The following PLS1 variants were observed in gnomAD, a reference collection of about 807,000 sequenced individuals.
PLS1 encodes plastin 1, also known as plastin-1.
A neutral mutation model predicts 73.7 loss-of-function variants in PLS1; 32 were observed. The ratio of observed to expected loss-of-function variants is 0.43; its 90% confidence interval spans 0.33 to 0.58. PLS1 has a LOEUF of 0.58. Ranked by LOEUF, PLS1 falls within the 20% of genes least tolerant of loss-of-function variation. PLS1 has a pLI of 0.04. For missense variants in PLS1, 633 were observed against 740.5 expected (o/e 0.85, Z 1.68); for synonymous variants, 217 against 261.3 (o/e 0.83, Z 1.63).
intron 12 of PLS1, among the ~76,000 whole-genome samples, chr3:142,701,946 T>A (rs1462226697): frequency 6.6e-6 from 1 of 152,258 alleles, no homozygotes; most frequent in Non-Finnish European, 1.5e-5. Context: ...TATTCTATTT[T>A]TTAAAGTCTA....
chr3:142,647,195 A>AT (rs1284666833), intron 1 of PLS1, among the ~76,000 whole-genome samples: 1 of 152,342 alleles, frequency 6.6e-6, no homozygotes, highest in East Asian at 1.9e-4. Flanking sequence ...GAGAAGTGAC[A>AT]TTTTTTGAAT....
intron 14 of PLS1, among the ~76,000 whole-genome samples, chr3:142,709,437 T>C (rs1933007827): frequency 6.6e-6 from 1 of 152,170 alleles, no homozygotes; most frequent in African/African-American, 2.4e-5. Context: ...ACATTACCCC[T>C]GGCCAAAGAT....
At position 142,671,103 on chromosome 3, in the gene PLS1, C is replaced by T. The variant is rs546983521; in HGVS notation, c.345C>T (p.Gly115=). 20 of 1,610,756 alleles carry T rather than the reference C, an allele frequency of 1.2e-5. No homozygotes were observed. In the East Asian group the frequency reaches 3.8e-4, roughly 31 times the overall value. Residue 115 remains glycine (G), a synonymous_variant, in exon 4 of 16, where the codon GGC becomes GGT. Coordinates refer to ENST00000457734, the MANE Select transcript of PLS1 (RefSeq NM_001145319.2). ...IGGTSTISSE[G]TQHSYSEEEK... ...GAACTTCAACTATTTCCAGTGAGGG[C>T]ACACAGCATTCTTATTCAGGTAACT...
intron 8 of PLS1, 113 bp downstream of exon 8, chr3:142,684,508 A>C: frequency 1.2e-6 from 1 of 855,070 alleles, no homozygotes; most frequent in Non-Finnish European, 1.8e-6. Context: ...TGGGATAGAA[A>C]ATGAAAATTT....
chr3:142,704,456 G>A lies in PLS1; in HGVS notation c.1506-7G>A. 6.3e-7 allele frequency: 1 copy of A among 1,596,172 alleles called. No homozygotes were observed. The highest frequency in any genetic ancestry group is 8.5e-7 in the Non-Finnish European group (1 of 1,170,974). ...TCAGTCTCAAATATACATCTTTTCT[G>A]TTGCAGGTACACATTGAATGTGTTA... On this transcript the variant is annotated splice_polypyrimidine_tract_variant and splice_region_variant and intron_variant, in intron 13 of 15. Coordinates refer to ENST00000457734, the MANE Select transcript of PLS1 (RefSeq NM_001145319.2).
At chr3:142,699,814 C>T (rs2038288953) in intron 12 of PLS1, among the ~76,000 whole-genome samples, 2 of 152,192 alleles carry the variant, frequency 1.3e-5, no homozygotes, top group South Asian at 4.2e-4. Context: ...GGAAATACAT[C>T]ATAATATTAA....
chr3:142,655,722 CAAAAAAAA>C (rs869165571), intron 1 of PLS1, among the ~76,000 whole-genome samples: 2 of 65,344 alleles, frequency 3.1e-5, no homozygotes, highest in African/African-American at 3.8e-5. Context: ...AATTCCGTCT[CAAAAAAAA>C]AAAAAAAAAA....
intron 1 of PLS1, among the ~76,000 whole-genome samples, chr3:142,619,162 T>A (rs1280520330): frequency 6.6e-6 from 1 of 152,174 alleles, no homozygotes; most frequent in East Asian, 1.9e-4. Flanking sequence ...GTTTCAGGGC[T>A]TTTGTGTAGT....
chr3:142,706,923 C>T (rs1348277840), intron 14 of PLS1, among the ~76,000 whole-genome samples: 1 of 151,930 alleles, frequency 6.6e-6, no homozygotes, highest in Non-Finnish European at 1.5e-5. Context: ...CAGTTTTAAG[C>T]TTGAATTTGA....
Position 142,704,635 on chromosome 3 carries a change from A to ATTT in PLS1, c.1629+77_1629+79dup, listed in dbSNP as rs10631186. Reference sequence around the variant, plus strand: ...TTTTTTTTTGTAGGTATAGGAAGGAATTTTTTTTTTTTTTTTTTTTTTTTT... The same window carrying ATTT: ...TTTTTTTTTGTAGGTATAGGAAGGAATTTTTTTTTTTTTTTTTTTTTTTTTTTT... On this transcript the variant is annotated intron_variant, in intron 14 of 15. Transcript: ENST00000457734. 1,331 of 261,210 alleles carry ATTT rather than the reference A, an allele frequency of 5.1e-3. 13 individuals are homozygous for ATTT. The highest frequency in any genetic ancestry group is 8.2e-3 in the South Asian group (202 of 24,536). The allele number at this position is 261,210 out of a possible 1,614,324, so 16.2% of individuals were successfully genotyped here.
At chr3:142,692,946 G>A (rs1242537197) in intron 10 of PLS1, among the ~76,000 whole-genome samples, 1 of 151,874 alleles carries the variant, frequency 6.6e-6, no homozygotes, top group Non-Finnish European at 1.5e-5. Flanking sequence ...GTCACTTTGG[G>A]GATAGTTCAT....
At chr3:142,655,565 A>AT (rs2037209139) in intron 1 of PLS1, among the ~76,000 whole-genome samples, 1 of 151,938 alleles carries the variant, frequency 6.6e-6, no homozygotes, top group Admixed American at 6.6e-5. Context: ...TACTAAAAAT[A>AT]CAAAAAATTA....
intron 14 of PLS1, among the ~76,000 whole-genome samples, chr3:142,705,864 C>T (rs899118640): frequency 1.3e-5 from 2 of 152,166 alleles, no homozygotes; most frequent in African/African-American, 4.8e-5. Context: ...TTCCACCCCC[C>T]CTTTTCTATC....
chr3:142,696,178 C>T (rs547426663), intron 11 of PLS1, among the ~76,000 whole-genome samples: 7 of 152,180 alleles, frequency 4.6e-5, no homozygotes, highest in African/African-American at 1.7e-4. Flanking sequence ...AAAGAGTAAG[C>T]TTAAAAATAG....
intron 1 of PLS1, among the ~76,000 whole-genome samples, chr3:142,662,443 CATTAGGAGAAAT>C (rs1174034837): frequency 1.3e-5 from 2 of 152,074 alleles, no homozygotes; most frequent in African/African-American, 4.8e-5. Context: ...GGAGGGATAG[CATTAGGAGAAAT>C]ACCTAATGTA....
At chr3:142,616,173 A>G (rs1305270501) in intron 1 of PLS1, among the ~76,000 whole-genome samples, 2 of 152,212 alleles carry the variant, frequency 1.3e-5, no homozygotes, top group African/African-American at 2.4e-5. Context: ...TCATGGAAAC[A>G]TAAAGATAAA....
chr3:142,659,186 A>G (rs1006000580), intron 1 of PLS1, among the ~76,000 whole-genome samples: 7 of 152,180 alleles, frequency 4.6e-5, no homozygotes, highest in Non-Finnish European at 8.8e-5. Context: ...TAAAGGAAAA[A>G]GGAAATTTTG....
At chr3:142,643,718 A>G (rs963028963) in intron 1 of PLS1, among the ~76,000 whole-genome samples, 5 of 152,230 alleles carry the variant, frequency 3.3e-5, no homozygotes, top group Non-Finnish European at 7.3e-5. Context: ...TAGGAAAATA[A>G]GGAACATAAT....
intron 14 of PLS1, among the ~76,000 whole-genome samples, chr3:142,705,027 A>G (rs1420786214): frequency 6.6e-6 from 1 of 152,108 alleles, no homozygotes; most frequent in Non-Finnish European, 1.5e-5. Flanking sequence ...TGTCAGAAAC[A>G]TGATTTATGA....
Sources: gnomAD v4.1 joint callset for allele counts (sites outside exome capture counted in the v4.1 genomes callset) on GRCh38, gnomAD v4.1.1 for gene constraint, MANE v1.5 for transcripts, NCBI Gene and HGNC (gene_info 2026-07-23, HGNC 2026-07-21) for gene names.